HYAL4: variants seen among roughly 807,000 people sequenced by gnomAD.
HYAL4 encodes the protein hyaluronidase-4.
A neutral mutation model predicts 35.2 loss-of-function variants in HYAL4; 37 were observed. That is an observed-to-expected ratio of 1.05 (90% confidence interval 0.81 to 1.38). The LOEUF is 1.38. Ranked by LOEUF, HYAL4 falls within the 40% of genes most tolerant of loss-of-function variation. HYAL4 has a pLI of 0.00. For synonymous variants in HYAL4, 198 were observed against 203.2 expected (o/e 0.97, Z 0.22); for missense variants, 572 against 572.4 (o/e 1.00, Z 0.01).
At chr7:123,801,931 A>G in the HYAL4 span, among the ~76,000 whole-genome samples, 1 of 152,120 alleles carries the variant, frequency 6.6e-6, no homozygotes, top group Non-Finnish European at 1.5e-5. Context: ...AGGGCAGTGC[A>G]TTTTTTTCCC....
At chr7:123,835,248 A>C (rs1805946694) in intron 1 of HYAL4, among the ~76,000 whole-genome samples, 1 of 151,778 alleles carries the variant, frequency 6.6e-6, no homozygotes, top group South Asian at 2.1e-4. Context: ...TTACCATTTC[A>C]ATCTCTCTGT....
chr7:123,776,429 T>C, the HYAL4 span, among the ~76,000 whole-genome samples: 2 of 152,086 alleles, frequency 1.3e-5, no homozygotes, highest in South Asian at 4.2e-4. Flanking sequence ...TTTTTGTTGT[T>C]TTTTGAGATG....
chr7:123,854,047 G>C (rs1410757111), intron 2 of HYAL4, among the ~76,000 whole-genome samples: 5 of 152,094 alleles, frequency 3.3e-5, no homozygotes, highest in Non-Finnish European at 4.4e-5. Context: ...ATGGTAGTTT[G>C]TATTTCTGTG....
In HYAL4 at chr7:123,868,433, G is replaced by T; in HGVS notation, c.160G>T (p.Ala54Ser). The T allele has an allele frequency of 1.2e-6, 2 of 1,611,952 alleles. No homozygotes were observed. Among genetic ancestry groups the T allele is most frequent in the South Asian group, 2.2e-5 (2 of 90,276 alleles). Residue 54 changes from alanine (A) to serine (S), a missense_variant, in exon 3 of 5, where the codon GCT becomes TCT. Physicochemically the swap from Ala to Ser is moderately conservative, Grantham distance 99. Transcript: ENST00000223026. ...GAAACCTTTTATAGCTGCTTGGAAT[G>T]CTCCAACAGATCAGTGTTTGATAAA... ...QRKPFIAAWN[A>S]PTDQCLIKYN...
the HYAL4 span, among the ~76,000 whole-genome samples, chr7:123,772,347 A>C: frequency 1.3e-5 from 2 of 152,118 alleles, no homozygotes; most frequent in Non-Finnish European, 1.5e-5. Flanking sequence ...CAACCGCAAC[A>C]TCCCGTCGTG....
At chr7:123,790,188 A>G in the HYAL4 span, among the ~76,000 whole-genome samples, 2 of 152,332 alleles carry the variant, frequency 1.3e-5, no homozygotes, top group South Asian at 2.1e-4. Flanking sequence ...GTCATGAATC[A>G]TGAAGACATG....
intron 1 of HYAL4, among the ~76,000 whole-genome samples, chr7:123,839,108 G>T (rs1416178932): frequency 6.6e-6 from 1 of 151,896 alleles, no homozygotes; most frequent in African/African-American, 2.4e-5. Flanking sequence ...TTTACATTAG[G>T]TATTTCTCCT....
chr7:123,796,741 A>G, the HYAL4 span, among the ~76,000 whole-genome samples: 1 of 152,196 alleles, frequency 6.6e-6, no homozygotes, highest in Non-Finnish European at 1.5e-5. Context: ...ATACAATGGA[A>G]TATTATTCAG....
the HYAL4 span, among the ~76,000 whole-genome samples, chr7:123,767,647 G>A: frequency 6.6e-6 from 1 of 152,188 alleles, no homozygotes; most frequent in Admixed American, 6.5e-5. Context: ...GGCTCTCATT[G>A]TCCTGACCAG....
the HYAL4 span, among the ~76,000 whole-genome samples, chr7:123,800,394 C>T: frequency 6.7e-6 from 1 of 149,208 alleles, no homozygotes; most frequent in African/African-American, 2.4e-5. Flanking sequence ...TGGTCTCGAT[C>T]TCCTGACTTC....
intron 1 of HYAL4, chr7:123,829,301 A>G (rs1480340644): frequency 6.6e-6 from 1 of 152,108 alleles, no homozygotes; most frequent in Non-Finnish European, 1.5e-5. Context: ...GGCTCCTACT[A>G]TTAACTTCAA....
chr7:123,845,548 T>A lies in HYAL4; in HGVS notation c.-259T>A, dbSNP rs956787715. On this transcript the variant is annotated 5_prime_UTR_variant, in exon 1 of 5. Coordinates refer to ENST00000223026, the MANE Select transcript of HYAL4 (RefSeq NM_012269.3). ...TTCACTGAAGATTCCGCCTCTCATT[T>A]CTTGAGTCATTTTTTTTAAATTTCC... is the stretch of plus-strand genomic sequence containing the variant. 1 of 152,106 alleles carries A rather than the reference T, an allele frequency of 6.6e-6. No homozygotes were observed. The highest frequency in any genetic ancestry group is 2.4e-5 in the African/African-American group (1 of 41,438). The allele number at this position is 152,106 out of a possible 1,614,324, so 9.4% of individuals were successfully genotyped here.
intron 2 of HYAL4, among the ~76,000 whole-genome samples, chr7:123,866,065 G>A (rs1346235232): frequency 2.0e-5 from 3 of 152,152 alleles, no homozygotes; most frequent in Non-Finnish European, 4.4e-5. Context: ...CTGCCACCAC[G>A]TCCCTCCTAT....
chr7:123,794,451 G>T, the HYAL4 span, among the ~76,000 whole-genome samples: 2 of 152,168 alleles, frequency 1.3e-5, no homozygotes, highest in Non-Finnish European at 2.9e-5. Flanking sequence ...CAGGCCTGGA[G>T]GCCTAGGAGG....
chr7:123,829,456 A>G (rs1459935393), intron 1 of HYAL4, among the ~76,000 whole-genome samples: 2 of 152,146 alleles, frequency 1.3e-5, no homozygotes, highest in African/African-American at 2.4e-5. Flanking sequence ...CAAAATATGT[A>G]TTGACTTTAA....
intron 1 of HYAL4, among the ~76,000 whole-genome samples, chr7:123,846,602 G>C (rs1806179273): frequency 6.6e-6 from 1 of 152,048 alleles, no homozygotes. Context: ...GGGCTTTCCT[G>C]CCTCCCTGCC....
chr7:123,844,337 G>T (rs538049848), upstream of HYAL4: 1 of 152,240 alleles, frequency 6.6e-6, no homozygotes, highest in Non-Finnish European at 1.5e-5. Flanking sequence ...CTGCAGAACC[G>T]CAAGTATTGC....
At chr7:123,871,016 T>G (rs1188762486) in intron 3 of HYAL4, among the ~76,000 whole-genome samples, 5 of 152,074 alleles carry the variant, frequency 3.3e-5, no homozygotes, top group Admixed American at 2.0e-4. Flanking sequence ...GGTATAAGCT[T>G]CTTTTTCTAT....
chr7:123,869,691 T>G (rs200428216), intron 3 of HYAL4, among the ~76,000 whole-genome samples: 47 of 110,940 alleles, frequency 4.2e-4, no homozygotes, highest in South Asian at 2.4e-3. Flanking sequence ...GTTTTGTTTT[T>G]TTTTTTTCTT....
Sources: allele counts gnomAD v4.1 joint callset (sites outside exome capture counted in the v4.1 genomes callset), GRCh38; gene constraint gnomAD v4.1.1; transcripts MANE v1.5; gene names NCBI Gene and HGNC (gene_info 2026-07-23, HGNC 2026-07-21).